Variants in RUFY3 observed in about 807,000 individuals in gnomAD.
RUFY3 encodes RUN and FYVE domain containing 3.
A neutral mutation model predicts 84.0 loss-of-function variants in RUFY3; 34 were observed. That is an observed-to-expected ratio of 0.40 (90% confidence interval 0.31 to 0.54). The LOEUF is 0.54. RUFY3 is among the 20% of genes least tolerant of loss of function. The probability of loss-of-function intolerance (pLI) is 0.39; values close to 1 mark genes in which losing one functional copy is unlikely to be tolerated. For synonymous variants in RUFY3, 242 were observed against 252.9 expected (o/e 0.96, Z 0.41); for missense variants, 507 against 736.8 (o/e 0.69, Z 3.61).
At chr4:70,726,700 C>A (rs1033955977) in intron 1 of RUFY3, among the ~76,000 whole-genome samples, 1 of 152,206 alleles carries the variant, frequency 6.6e-6, no homozygotes, top group Admixed American at 6.5e-5. Context: ...GCCTTCTACC[C>A]GCCCCACAGA....
At chr4:70,783,582 T>C (rs761541786) in intron 9 of RUFY3, among the ~76,000 whole-genome samples, 3 of 152,258 alleles carry the variant, frequency 2.0e-5, no homozygotes, top group Non-Finnish European at 4.4e-5. Flanking sequence ...ATTTTCTACA[T>C]AACTTAATTC....
intron 10 of RUFY3, among the ~76,000 whole-genome samples, chr4:70,787,696 A>G (rs558026879): frequency 1.8e-4 from 27 of 152,348 alleles, no homozygotes; most frequent in South Asian, 4.1e-4. Context: ...GAAATAATAT[A>G]TGTCAGCATT....
intron 7 of RUFY3, among the ~76,000 whole-genome samples, chr4:70,776,690 G>A (rs567729013): frequency 2.6e-4 from 40 of 152,150 alleles, no homozygotes; most frequent in East Asian, 1.9e-4. Context: ...GCAGGAGAAC[G>A]GCGTGAACCC....
chr4:70,804,761 CAAA>C (rs1186156048), intron 17 of RUFY3, among the ~76,000 whole-genome samples: 3 of 76,846 alleles, frequency 3.9e-5, no homozygotes, highest in Non-Finnish European at 5.6e-5. Flanking sequence ...ACTAAAAATA[CAAA>C]AAAAAAAAAA....
At chr4:70,748,812 C>T (rs757410581) in intron 1 of RUFY3, among the ~76,000 whole-genome samples, 2 of 152,124 alleles carry the variant, frequency 1.3e-5, no homozygotes, top group Non-Finnish European at 2.9e-5. Flanking sequence ...AGGAAAGCTT[C>T]GTCTCTCATT....
At chr4:70,803,453 CT>C (rs369264240) in intron 16 of RUFY3, among the ~76,000 whole-genome samples, 2,497 of 144,702 alleles carry the variant, frequency 0.017, 32 homozygotes, top group African/African-American at 0.042. Context: ...TACTGCTTTC[CT>C]TTTTTTTTTT....
At chr4:70,705,276 A>AGCGGCAGCG (rs1385357433) in exon 1 of RUFY3, 18 of 1,429,820 alleles carry the variant, frequency 1.3e-5, no homozygotes, top group Middle Eastern at 4.9e-4. Flanking sequence ...CGGCGGCAGC[A>AGCGGCAGCG]GCGGCAGCGG....
rs1447888549 is a variant in RUFY3, at chr4:70,802,970, C to T, written c.1637C>T (p.Pro546Leu). The T allele has an allele frequency of 1.2e-6, 2 of 1,609,056 alleles. No homozygotes were observed. Among genetic ancestry groups the T allele is most frequent in the Admixed American group, 1.7e-5 (1 of 59,018 alleles). ...CTCCATTGTAGGCTGCAACCCCACC[C>T]TATGGATGAACAGGTAACAGAGCCT... ...LEESHRLQPHPMDEQDQLLLS... is the reference protein window; with the variant it reads ...LEESHRLQPHLMDEQDQLLLS... Residue 546 changes from proline (P) to leucine (L), a missense_variant, in exon 16 of 18, where the codon CCT becomes CTT. Transcript: ENST00000381006.
chr4:70,716,105 C>T (rs941922271), intron 1 of RUFY3, among the ~76,000 whole-genome samples: 39 of 151,462 alleles, frequency 2.6e-4, no homozygotes, highest in African/African-American at 9.0e-4. Flanking sequence ...CAGAGTGAGA[C>T]TCCATCTCAA....
At chr4:70,798,749 C>G (rs995386084) in intron 14 of RUFY3, among the ~76,000 whole-genome samples, 1 of 150,614 alleles carries the variant, frequency 6.6e-6, no homozygotes, top group African/African-American at 2.4e-5. Flanking sequence ...GAGGTTGCAG[C>G]GAGCCAAGAT....
chr4:70,796,287 C>T (rs1380024861), intron 14 of RUFY3, among the ~76,000 whole-genome samples: 1 of 152,218 alleles, frequency 6.6e-6, no homozygotes, highest in African/African-American at 2.4e-5. Flanking sequence ...AAAATGCCTT[C>T]AGCATCCCTA....
At chr4:70,775,266 G>A (rs1727738581) in intron 7 of RUFY3, 33 bp downstream of exon 7, 1 of 1,387,512 alleles carries the variant, frequency 7.2e-7, no homozygotes, top group Non-Finnish European at 1.0e-6. Flanking sequence ...ACTTTACTGG[G>A]GAATTGTTGA....
intron 1 of RUFY3, chr4:70,705,327 G>A (rs1740159984): frequency 6.8e-6 from 9 of 1,319,780 alleles, no homozygotes; most frequent in Admixed American, 3.9e-5. Context: ...GACGCCCGCG[G>A]GGAAGGGAGC....
chr4:70,713,010 G>A (rs1560435866), intron 1 of RUFY3, among the ~76,000 whole-genome samples: 2 of 152,054 alleles, frequency 1.3e-5, no homozygotes, highest in Admixed American at 6.6e-5. Flanking sequence ...TTGTGTGAAA[G>A]GAAATTTTTT....
chr4:70,703,992 G>T (rs1739974401), upstream of RUFY3: 1 of 152,190 alleles, frequency 6.6e-6, no homozygotes, highest in Non-Finnish European at 1.5e-5. Flanking sequence ...ATTGCCGAAA[G>T]AAATGTTTAC....
intron 1 of RUFY3, among the ~76,000 whole-genome samples, chr4:70,760,994 T>C (rs1053189290): frequency 2.0e-5 from 3 of 152,214 alleles, no homozygotes; most frequent in African/African-American, 4.8e-5. Flanking sequence ...AAAAACCTTG[T>C]ATGAAGAAAA....
At chr4:70,717,741 G>T (rs1475360461), upstream of RUFY3, among the ~76,000 whole-genome samples, 1 of 152,044 alleles carries the variant, frequency 6.6e-6, no homozygotes, top group Non-Finnish European at 1.5e-5. Context: ...GAAGTAGCTT[G>T]GAGTAACAGA....
chr4:70,767,272 T>A (rs1320812758), intron 4 of RUFY3, among the ~76,000 whole-genome samples: 1 of 143,210 alleles, frequency 7.0e-6, no homozygotes, highest in South Asian at 2.3e-4. Flanking sequence ...TTTTTTTTTT[T>A]TTTTTTTTTT....
rs547908392 is a variant in RUFY3, at chr4:70,727,983, T to A, written c.178+5232T>A. Among the ~76,000 whole-genome samples, 12 of 152,252 alleles carry A rather than the reference T, an allele frequency of 7.9e-5. No individual in the cohort carries two copies. In the East Asian group the frequency reaches 2.1e-3, roughly 27 times the overall value. The stretch of plus-strand genomic sequence containing the variant: ...TTTACCTAATTAGAAATGTATATGT[T>A]AATAAAAATTTTTACACTTTAAAGA... On this transcript the variant is annotated intron_variant, in intron 1 of 17. Coordinates refer to ENST00000381006, the MANE Select transcript of RUFY3 (RefSeq NM_001037442.4).
Sources: allele counts gnomAD v4.1 joint callset (sites outside exome capture counted in the v4.1 genomes callset), GRCh38; gene constraint gnomAD v4.1.1; transcripts MANE v1.5; gene names NCBI Gene and HGNC (gene_info 2026-07-23, HGNC 2026-07-21).